Variants in KCNK6 observed in about 807,000 individuals in gnomAD.
KCNK6 encodes potassium two pore domain channel subfamily K member 6.
In KCNK6, 20 loss-of-function variants were observed where a neutral mutation model predicts 21.9. The ratio of observed to expected loss-of-function variants is 0.91; its 90% CI spans 0.64 to 1.32. The LOEUF is 1.32. KCNK6 is among the 40% of genes most tolerant of loss of function. The pLI is 0.00. For missense variants in KCNK6, 415 were observed against 433.1 expected, an observed-to-expected ratio of 0.96 and a Z score of 0.37; for synonymous variants, 210 against 218.0, an observed-to-expected ratio of 0.96 and a Z score of 0.32.
rs139277668 is a variant in KCNK6, at chr19:38,326,592, G to A, written c.323-1G>A. ...ACCCTTTACTCTCTTTACTCCCCTA[G>A]GCTATGGGTACACAACGCCACTGAC... On this transcript the variant is annotated splice_acceptor_variant, in intron 1 of 2. Transcript: ENST00000263372. LOFTEE classifies it high-confidence loss of function. The A allele has an allele frequency of 1.4e-4, 222 of 1,606,302 alleles. 1 individual carries two copies. The East Asian group carries it at 3.0e-3, about 22-fold the overall frequency.
Position 38,327,321 on chromosome 19 carries a change from T to G in KCNK6, c.860T>G (p.Val287Gly). 6.2e-7 allele frequency: 1 copy of G among 1,613,184 alleles called. No individual in the cohort carries two copies. Among genetic ancestry groups the G allele is most frequent in the South Asian group, 1.1e-5 (1 of 91,068 alleles). Residue 287 changes from valine (V) to glycine (G), a missense_variant, in exon 3 of 3, where the codon GTG becomes GGG. Transcript: ENST00000263372. ...TTCAATGCGGATGAGGACGATCGGG[T>G]GGACATCCTGGGCCCCCAGCCGGAG... is the stretch of plus-strand genomic sequence containing the variant. Reference protein sequence around the residue: ...ASFNADEDDRVDILGPQPESH... With the variant: ...ASFNADEDDRGDILGPQPESH...
chr19:38,320,769 G>C (rs931240383), intron 1 of KCNK6, among the ~76,000 whole-genome samples: 3 of 152,028 alleles, frequency 2.0e-5, no homozygotes, highest in Non-Finnish European at 4.4e-5. Flanking sequence ...ATGTTGGCCA[G>C]GCTGGTCCCA....
rs376745557 is a variant in KCNK6, at chr19:38,326,590, T to C, written c.323-3T>C. ...TTACCCTTTACTCTCTTTACTCCCCTAGGCTATGGGTACACAACGCCACTG... is the reference window on the plus strand; with the variant it reads ...TTACCCTTTACTCTCTTTACTCCCCCAGGCTATGGGTACACAACGCCACTG... On this transcript the variant is annotated splice_polypyrimidine_tract_variant and splice_region_variant and intron_variant, in intron 1 of 2. Coordinates refer to ENST00000263372, the MANE Select transcript of KCNK6 (RefSeq NM_004823.3). The C allele has an allele frequency of 3.7e-6, 6 of 1,604,722 alleles. No individual in the cohort carries two copies. In the African/African-American group the frequency reaches 4.0e-5, roughly 11 times the overall value.
At chr19:38,323,743 C>A (rs1418605737) in intron 1 of KCNK6, among the ~76,000 whole-genome samples, 1 of 152,178 alleles carries the variant, frequency 6.6e-6, no homozygotes, top group African/African-American at 2.4e-5. Context: ...CGCCACTGCA[C>A]CCAGCTAATT....
intron 1 of KCNK6, chr19:38,325,332 G>A (rs1189765604): frequency 1.1e-6 from 1 of 872,744 alleles, no homozygotes; most frequent in African/African-American, 1.8e-5. Context: ...GGTCAGGCTA[G>A]TCTTGAACTC....
chr19:38,324,732 G>A (rs77914289), intron 1 of KCNK6, among the ~76,000 whole-genome samples: 21,372 of 152,050 alleles, frequency 0.14, 1,796 homozygotes, highest in South Asian at 0.21. Flanking sequence ...AAACCCAGGG[G>A]GAGCCTTTTA....
At position 38,320,205 on chromosome 19, in the gene KCNK6, C is replaced by A; in HGVS notation, c.255C>A (p.Asn85Lys). Residue 85 changes from asparagine to lysine, a missense_variant, in exon 1 of 3, where the codon AAC (asparagine) becomes AAA (lysine). Transcript: ENST00000263372. The part of the protein sequence containing the change: ...VVLANASGSA[N>K]ASDPAWDFAS... ...TTGCTAACGCTTCGGGGTCCGCCAA[C>A]GCCTCGGACCCCGCCTGGGACTTCG... 6.2e-7 allele frequency: 1 copy of A among 1,602,770 alleles called. No individual in the cohort carries two copies. The highest frequency in any genetic ancestry group is 8.5e-7 in the Non-Finnish European group (1 of 1,179,562).
rs1280177172 is a variant in KCNK6, at chr19:38,331,675, T to C, written c.*4272T>C. 6.6e-6 allele frequency: 1 copy of C among 151,886 alleles called. No homozygotes were observed. The highest frequency in any genetic ancestry group is 1.5e-5 in the Non-Finnish European group (1 of 67,990). The allele number at this position is 151,886 out of a possible 1,614,324, so 9.4% of individuals were successfully genotyped here. A position where few individuals can be genotyped will look rare whatever the true frequency, so the allele number is the denominator to read the frequency against. On this transcript the variant is annotated 3_prime_UTR_variant, in exon 3 of 3. Transcript: ENST00000263372. ...GTGTGCTAAAAAATTCATCAGGTAC[T>C]AAAGAGTGTACGGTGGAAAGTAAGT... is the stretch of plus-strand genomic sequence containing the variant.
rs762701357 is a variant in KCNK6, at chr19:38,326,795, C to T, written c.525C>T (p.Ala175=). The T allele has an allele frequency of 6.2e-7, 1 of 1,606,386 alleles. No homozygotes were observed. Among genetic ancestry groups the T allele is most frequent in the South Asian group, 1.1e-5 (1 of 91,090 alleles). Residue 175 remains alanine (A), a synonymous_variant, in exon 2 of 3, where the codon GCC becomes GCT. Coordinates refer to ENST00000263372, the MANE Select transcript of KCNK6 (RefSeq NM_004823.3). ...PRRAACWHLV[A]LLGVVVTVCF... is the part of the protein sequence containing the mutation. ...GGGCGGCCTGCTGGCACTTGGTGGCCCTGTTGGGGGTCGTAGTGACCGTCT... is the reference window on the plus strand; with the variant it reads ...GGGCGGCCTGCTGGCACTTGGTGGCTCTGTTGGGGGTCGTAGTGACCGTCT...
Position 38,320,230 on chromosome 19 carries a change from G to A in KCNK6, c.280G>A (p.Ala94Thr). Reference sequence around the variant, plus strand: ...CGCCTCGGACCCCGCCTGGGACTTCGCCTCTGCTCTCTTCTTCGCCAGCAC... The same window carrying A: ...CGCCTCGGACCCCGCCTGGGACTTCACCTCTGCTCTCTTCTTCGCCAGCAC... ...ANASDPAWDF[A>T]SALFFASTLI... The change falls in exon 1 of 3, where the codon GCC becomes ACC. Residue 94 changes from alanine to threonine, a missense_variant. By Grantham distance (58) the Ala-to-Thr change is moderately conservative. Coordinates refer to ENST00000263372, the MANE Select transcript of KCNK6 (RefSeq NM_004823.3). 6.2e-7 allele frequency: 1 copy of A among 1,605,306 alleles called. No individual in the cohort carries two copies. The highest frequency in any genetic ancestry group is 8.5e-7 in the Non-Finnish European group (1 of 1,179,746).
Position 38,319,963 on chromosome 19 carries a change from G to A in KCNK6, c.13G>A (p.Ala5Thr), listed in dbSNP as rs1969627277. The A allele has an allele frequency of 4.1e-6, 6 of 1,454,620 alleles. No homozygotes were observed. Among genetic ancestry groups the A allele is most frequent in the African/African-American group, 1.5e-5 (1 of 67,066 alleles). 90.1% of individuals were successfully genotyped at this position (1,454,620 alleles called of 1,614,324 possible). ...CCCGGTGGGTGCCATGCGGAGGGGC[G>A]CGCTTCTGGCGGGCGCCTTGGCCGC... Reference protein sequence around the residue: MRRGALLAGALAAYA... With the variant: MRRGTLLAGALAAYA... Residue 5 changes from alanine to threonine, a missense_variant, in exon 1 of 3, where the codon GCG becomes ACG. Transcript: ENST00000263372.
Position 38,326,752 on chromosome 19 carries a change from G to C in KCNK6, c.482G>C (p.Trp161Ser). Residue 161 changes from tryptophan (W) to serine (S), a missense_variant, in exon 2 of 3, where the codon TGG (tryptophan) becomes TCG (serine). Physicochemically the swap from Trp to Ser is radical, Grantham distance 177 (BLOSUM62 -3). Coordinates refer to ENST00000263372, the MANE Select transcript of KCNK6 (RefSeq NM_004823.3). ...HVPLSWLSMRWGWDPRRAACW... is the reference protein window; with the variant it reads ...HVPLSWLSMRSGWDPRRAACW... ...CCCCTGTCTTGGCTGAGCATGCGTT[G>C]GGGCTGGGACCCCCGGCGGGCGGCC... is the stretch of plus-strand genomic sequence containing the variant. 1 of 1,604,542 alleles carries C rather than the reference G, an allele frequency of 6.2e-7. No individual in the cohort carries two copies. Among genetic ancestry groups the C allele is most frequent in the South Asian group, 1.1e-5 (1 of 91,080 alleles).
At position 38,331,820 on chromosome 19, in the gene KCNK6, T is replaced by G. The variant is rs1162302066; in HGVS notation, c.*4417T>G. The G allele has an allele frequency of 6.6e-6, 1 of 152,194 alleles. No homozygotes were observed. The highest frequency in any genetic ancestry group is 1.5e-5 in the Non-Finnish European group (1 of 68,050). 9.4% of individuals were successfully genotyped at this position (152,194 alleles called of 1,614,324 possible). A position where few individuals can be genotyped will look rare whatever the true frequency, so the allele number is the denominator to read the frequency against. On this transcript the variant is annotated 3_prime_UTR_variant, in exon 3 of 3. Transcript: ENST00000263372. ...TTTTTCACTCTACACAAGTAGTACC[T>G]AATATGGTGAGGTTGTTATGATTAC...
chr19:38,326,185 G>A (rs1469731026), intron 1 of KCNK6, among the ~76,000 whole-genome samples: 1 of 152,184 alleles, frequency 6.6e-6, no homozygotes, highest in Non-Finnish European at 1.5e-5. Context: ...GGGAGAGGCA[G>A]GTTTGGGATG....
Position 38,325,615 on chromosome 19 carries a change from T to TG in KCNK6, c.323-975dup, listed in dbSNP as rs755740803. ...GCATGCTAGAAGGTGTTAAGTGCTA[T>TG]GGGAAAAAAAAGTGTTGGGTAAGAG... On this transcript the variant is annotated intron_variant, in intron 1 of 2. Transcript: ENST00000263372. The TG allele has an allele frequency of 1.3e-3, 1,148 of 891,532 alleles. 1 individual carries two copies. The highest frequency in any genetic ancestry group is 2.9e-3 in the Middle Eastern group (5 of 1,724). 55.2% of individuals were successfully genotyped at this position (891,532 alleles called of 1,614,324 possible).
At chr19:38,322,970 AG>A (rs1969668563) in intron 1 of KCNK6, among the ~76,000 whole-genome samples, 1 of 147,760 alleles carries the variant, frequency 6.8e-6, no homozygotes, top group Non-Finnish European at 1.5e-5. Context: ...AAAATTAGCC[AG>A]GCATGATAGT....
chr19:38,324,202 T>A lies in KCNK6; in HGVS notation c.323-2391T>A, dbSNP rs548311201. Among the ~76,000 whole-genome samples, 10 of 152,158 alleles carry A rather than the reference T, an allele frequency of 6.6e-5. No individual in the cohort carries two copies. In the East Asian group the frequency reaches 1.7e-3, roughly 26 times the overall value. On this transcript the variant is annotated intron_variant, in intron 1 of 2. Transcript: ENST00000263372. ...ACTTTGGCCTCCCAAAGTGCTGGGA[T>A]TATAGGAATGAGCCACCTCACCCAG...
Position 38,320,216 on chromosome 19 carries a change from C to T in KCNK6, c.266C>T (p.Pro89Leu). The change falls in exon 1 of 3, where the codon CCC (proline) becomes CTC (leucine). Residue 89 changes from proline (P) to leucine (L), a missense_variant. Physicochemically the swap from Pro to Leu is moderately conservative, Grantham distance 98. Coordinates refer to ENST00000263372, the MANE Select transcript of KCNK6 (RefSeq NM_004823.3). ...NASGSANASDPAWDFASALFF... is the reference protein window; with the variant it reads ...NASGSANASDLAWDFASALFF... ...TCGGGGTCCGCCAACGCCTCGGACC[C>T]CGCCTGGGACTTCGCCTCTGCTCTC... 6.2e-7 allele frequency: 1 copy of T among 1,604,044 alleles called. No individual in the cohort carries two copies. The highest frequency in any genetic ancestry group is 8.5e-7 in the Non-Finnish European group (1 of 1,179,644).
rs371202043 is a variant in KCNK6, at chr19:38,326,931, G to T, written c.661G>T (p.Val221Leu). The T allele has an allele frequency of 6.2e-7, 1 of 1,609,586 alleles. No homozygotes were observed. Among genetic ancestry groups the T allele is most frequent in the Non-Finnish European group, 8.5e-7 (1 of 1,179,990 alleles). Residue 221 changes from valine (V) to leucine (L), a missense_variant, in exon 2 of 3, where the codon GTG (valine) becomes TTG (leucine). Transcript: ENST00000263372. Reference protein sequence around the residue: ...SLSTIGLGDYVPGEAPGQPYR... With the variant: ...SLSTIGLGDYLPGEAPGQPYR... ...GTCCACCATCGGCCTGGGCGACTACGTGCCCGGGGAGGCCCCTGGCCAGCC... is the reference window on the plus strand; with the variant it reads ...GTCCACCATCGGCCTGGGCGACTACTTGCCCGGGGAGGCCCCTGGCCAGCC...
Sources: allele counts gnomAD v4.1 joint callset (sites outside exome capture counted in the v4.1 genomes callset), GRCh38; gene constraint gnomAD v4.1.1; transcripts MANE v1.5; gene names NCBI Gene and HGNC (gene_info 2026-07-23, HGNC 2026-07-21).